The following PIEZO2 variants were observed in gnomAD, a reference collection of about 807,000 sequenced individuals.
PIEZO2 encodes piezo-type mechanosensitive ion channel component 2.
Under a neutral mutation model 337.3 loss-of-function variants are expected in PIEZO2, and 172 were observed. The ratio of observed to expected loss-of-function variants is 0.51; its 90% CI spans 0.45 to 0.58. PIEZO2 has a LOEUF of 0.58. PIEZO2 is among the 20% of genes least tolerant of loss of function. The pLI, the probability that PIEZO2 is intolerant of heterozygous loss-of-function variation, is 0.00. For synonymous variants in PIEZO2, 1,251 were observed against 1,228.5 expected, an observed-to-expected ratio of 1.02 and a Z score of -0.38; for missense variants, 3,028 against 3,391.3, an observed-to-expected ratio of 0.89 and a Z score of 2.66.
intron 2 of PIEZO2, among the ~76,000 whole-genome samples, chr18:11,060,433 C>A (rs1188598083): frequency 1.3e-5 from 2 of 151,716 alleles, no homozygotes; most frequent in African/African-American, 2.4e-5. Context: ...GAGATAGAGA[C>A]CAAAAAACCC....
chr18:10,972,172 CAAA>C (rs71169963), intron 3 of PIEZO2, among the ~76,000 whole-genome samples: 16 of 90,474 alleles, frequency 1.8e-4, no homozygotes, highest in East Asian at 3.5e-4. Flanking sequence ...GACTCCGCCT[CAAA>C]AAAAAAAAAA....
At position 10,875,712 on chromosome 18, in the gene PIEZO2, C is replaced by T. The variant is rs193103690; in HGVS notation, c.330-4297G>A. Among the ~76,000 whole-genome samples the T allele has an allele frequency of 5.3e-5, 8 of 152,318 alleles. No individual in the cohort carries two copies. The East Asian group carries it at 1.5e-3, about 29-fold the overall frequency. On this transcript the variant is annotated intron_variant, in intron 4 of 55. Transcript: ENST00000674853. ...GCTTCTTACACCACAACAGACAGAG[C>T]AGGAAAGCCAGAGCCTTATATCTTT...
intron 35 of PIEZO2, among the ~76,000 whole-genome samples, chr18:10,735,007 G>C (rs990050049): frequency 6.6e-6 from 1 of 152,096 alleles, no homozygotes; most frequent in Admixed American, 6.6e-5. Context: ...TCTATTTTTC[G>C]ATAGTTACTG....
In PIEZO2 at chr18:11,132,616, T is replaced by C. The variant is rs2040372998; in HGVS notation, c.64+15909A>G. Reference sequence around the variant, plus strand: ...ATCCACTAGCAAAATTTTTGCTTCCTGTTCCCGTGACATTACGTTCTGCTG... The same window carrying C: ...ATCCACTAGCAAAATTTTTGCTTCCCGTTCCCGTGACATTACGTTCTGCTG... On this transcript the variant is annotated intron_variant, in intron 1 of 55. Coordinates refer to ENST00000674853, the MANE Select transcript of PIEZO2 (RefSeq NM_001378183.1). The surrounding 1 kb of genome is among the most constrained non-coding windows in gnomAD (Gnocchi z 4.7). Among the ~76,000 whole-genome samples the C allele has an allele frequency of 6.6e-6, 1 of 152,188 alleles. No individual in the cohort carries two copies.
chr18:10,992,718 T>G (rs2035156517), intron 2 of PIEZO2, among the ~76,000 whole-genome samples: 1 of 152,214 alleles, frequency 6.6e-6, no homozygotes, highest in Non-Finnish European at 1.5e-5. Context: ...CAGGCTCTAT[T>G]TTGGTTCCAT....
rs949776520 is a variant in PIEZO2, at chr18:10,794,333, T to C, written c.1758+439A>G. ...TTCATTTTTGCTGCTAAAAATGTTC[T>C]TTAGGAAAGAATTGGAGAAAAACGT... On this transcript the variant is annotated intron_variant, in intron 13 of 55. Transcript: ENST00000674853. The surrounding 1 kb of genome is among the most constrained non-coding windows in gnomAD (Gnocchi z 6.6). 1.3e-5 allele frequency among the ~76,000 whole-genome samples: 2 copies of C among 152,218 alleles called. No individual in the cohort carries two copies. The highest frequency in any genetic ancestry group is 4.8e-5 in the African/African-American group (2 of 41,452).
Position 10,877,401 on chromosome 18 carries a change from C to T in PIEZO2, c.330-5986G>A, listed in dbSNP as rs1025043255. Among the ~76,000 whole-genome samples the T allele has an allele frequency of 1.1e-4, 17 of 152,306 alleles. No homozygotes were observed. Among genetic ancestry groups the T allele is most frequent in the South Asian group, 8.3e-4 (4 of 4,824 alleles). ...AAATAATGTAATGCCCAGTCCAACTCGTCCGCTGAGAAACATTAGCATATA... is the reference window on the plus strand; with the variant it reads ...AAATAATGTAATGCCCAGTCCAACTTGTCCGCTGAGAAACATTAGCATATA... On this transcript the variant is annotated intron_variant, in intron 4 of 55. Transcript: ENST00000674853. This position sits in a 1 kb window ranked among gnomAD's most constrained non-coding sequence, Gnocchi z 5.3.
chr18:11,072,876 C>G (rs984142045), intron 1 of PIEZO2, among the ~76,000 whole-genome samples: 1 of 152,198 alleles, frequency 6.6e-6, no homozygotes, highest in Non-Finnish European at 1.5e-5. Context: ...TAAGCCACCT[C>G]CCCCAGGCAA....
intron 13 of PIEZO2, among the ~76,000 whole-genome samples, chr18:10,792,037 C>G (rs2039426328): frequency 1.3e-5 from 2 of 152,186 alleles, no homozygotes; most frequent in Non-Finnish European, 1.5e-5. Flanking sequence ...ACCTCTGCCT[C>G]CTGGATTCAA....
Position 11,146,040 on chromosome 18 carries a change from A to G in PIEZO2, c.64+2485T>C, listed in dbSNP as rs2040801993. ...TCACACATACTCATAACACATGTGC[A>G]CACTCACACTTATGCACTCAAACTC... On this transcript the variant is annotated intron_variant, in intron 1 of 55. Coordinates refer to ENST00000674853, the MANE Select transcript of PIEZO2 (RefSeq NM_001378183.1). The surrounding 1 kb of genome is among the most constrained non-coding windows in gnomAD (Gnocchi z 6.1). 6.6e-6 allele frequency among the ~76,000 whole-genome samples: 1 copy of G among 152,156 alleles called. No homozygotes were observed. Among genetic ancestry groups the G allele is most frequent in the Non-Finnish European group, 1.5e-5 (1 of 68,036 alleles).
chr18:11,093,826 G>A (rs1403822215), intron 1 of PIEZO2, among the ~76,000 whole-genome samples: 1 of 152,050 alleles, frequency 6.6e-6, no homozygotes, highest in Non-Finnish European at 1.5e-5. Flanking sequence ...GGTAAGTAAT[G>A]TTATCTTTTC....
intron 23 of PIEZO2, 30 bp downstream of exon 23, chr18:10,762,470 G>A (rs201777846): frequency 4.2e-5 from 65 of 1,531,896 alleles, no homozygotes; most frequent in Non-Finnish European, 5.2e-6. Flanking sequence ...ACGGAGTGGA[G>A]GCCCAAACTA....
At position 10,942,772 on chromosome 18, in the gene PIEZO2, G is replaced by C. The variant is rs1468545963; in HGVS notation, c.287-31544C>G. Among the ~76,000 whole-genome samples, 1 of 152,210 alleles carries C rather than the reference G, an allele frequency of 6.6e-6. No homozygotes were observed. Among genetic ancestry groups the C allele is most frequent in the Non-Finnish European group, 1.5e-5 (1 of 68,036 alleles). The stretch of plus-strand genomic sequence containing the variant: ...AATGGGAAAAATGTCTCCAGGGCAT[G>C]TCAGAGTTCTTCATGGCAGCCCCTC... On this transcript the variant is annotated intron_variant, in intron 3 of 55. Coordinates refer to ENST00000674853, the MANE Select transcript of PIEZO2 (RefSeq NM_001378183.1). The surrounding 1 kb of genome is among the most constrained non-coding windows in gnomAD (Gnocchi z 4.4).
intron 7 of PIEZO2, among the ~76,000 whole-genome samples, chr18:10,840,683 C>T (rs2041162652): frequency 1.3e-5 from 2 of 151,878 alleles, no homozygotes; most frequent in Admixed American, 6.6e-5. Context: ...TTGGATAATA[C>T]TGAAATTGAA....
At chr18:11,063,935 C>T (rs993201608) in intron 2 of PIEZO2, among the ~76,000 whole-genome samples, 2 of 152,046 alleles carry the variant, frequency 1.3e-5, no homozygotes, top group East Asian at 1.9e-4. Flanking sequence ...AATGTCTAAC[C>T]GGGGTGTCTA....
chr18:10,901,165 T>C (rs990910673), intron 4 of PIEZO2, among the ~76,000 whole-genome samples: 5 of 152,196 alleles, frequency 3.3e-5, no homozygotes, highest in Non-Finnish European at 5.9e-5. Context: ...ATCCATCCCA[T>C]CTGATTCTCT....
intron 2 of PIEZO2, among the ~76,000 whole-genome samples, chr18:11,022,005 C>A (rs577140240): frequency 1.3e-4 from 20 of 152,318 alleles, no homozygotes; most frequent in African/African-American, 4.8e-4. Flanking sequence ...AGGCATACAT[C>A]TGTGTCTGTA....
At position 10,903,199 on chromosome 18, in the gene PIEZO2, C is replaced by G. The variant is rs2043092604; in HGVS notation, c.329+7987G>C. Among the ~76,000 whole-genome samples, 1 of 152,210 alleles carries G rather than the reference C, an allele frequency of 6.6e-6. No individual in the cohort carries two copies. Among genetic ancestry groups the G allele is most frequent in the African/African-American group, 2.4e-5 (1 of 41,454 alleles). On this transcript the variant is annotated intron_variant, in intron 4 of 55. Transcript: ENST00000674853. The surrounding 1 kb of genome is among the most constrained non-coding windows in gnomAD (Gnocchi z 4.1). ...CATACATCTGCATGTCACACTCACACTGTCCCTATCTTGGTCGAGACATTA... is the reference window on the plus strand; with the variant it reads ...CATACATCTGCATGTCACACTCACAGTGTCCCTATCTTGGTCGAGACATTA...
chr18:10,682,461 G>A lies in PIEZO2; in HGVS notation c.7498-169C>T, dbSNP rs1419772680. Among the ~76,000 whole-genome samples, 3 of 152,142 alleles carry A rather than the reference G, an allele frequency of 2.0e-5. No individual in the cohort carries two copies. The highest frequency in any genetic ancestry group is 6.5e-5 in the Admixed American group (1 of 15,282). ...GGGATAGCAACCTTGTCCCAATCTCGAAATGAAGTTAGGTAGTGATGTGAA... is the reference window on the plus strand; with the variant it reads ...GGGATAGCAACCTTGTCCCAATCTCAAAATGAAGTTAGGTAGTGATGTGAA... On this transcript the variant is annotated intron_variant, in intron 49 of 55. Coordinates refer to ENST00000674853, the MANE Select transcript of PIEZO2 (RefSeq NM_001378183.1). This position sits in a 1 kb window ranked among gnomAD's most constrained non-coding sequence, Gnocchi z 5.6.
Sources: allele counts gnomAD v4.1 joint callset (sites outside exome capture counted in the v4.1 genomes callset), GRCh38; gene constraint gnomAD v4.1.1; non-coding constraint Gnocchi (gnomAD v3.1); transcripts MANE v1.5; gene names NCBI Gene and HGNC (gene_info 2026-07-23, HGNC 2026-07-21).